The following GLIS3 variants were observed in gnomAD, a reference collection of about 807,000 sequenced individuals.
The protein encoded by GLIS3 is GLIS family zinc finger 3, also known as zinc finger protein GLIS3.
In GLIS3, 53 loss-of-function variants were observed where a neutral mutation model predicts 78.6. The observed-to-expected ratio is 0.67, with a 90% CI of 0.54 to 0.85. The LOEUF is 0.85. Among genes scored for constraint, GLIS3 ranks in the 40% least tolerant of loss-of-function variants. The pLI, the probability that GLIS3 is intolerant of heterozygous loss-of-function variation, is 0.00. For missense variants in GLIS3, 1,703 were observed against 1,231.1 expected, an observed-to-expected ratio of 1.38 and a Z score of -5.74; for synonymous variants, 684 against 509.9, an observed-to-expected ratio of 1.34 and a Z score of -4.60.
intron 2 of GLIS3, among the ~76,000 whole-genome samples, chr9:4,275,565 T>A (rs1237137037): frequency 6.7e-6 from 1 of 148,846 alleles, no homozygotes; most frequent in African/African-American, 2.5e-5. Flanking sequence ...TTTGAGACCA[T>A]CCTGGGCAAC....
intron 4 of GLIS3, among the ~76,000 whole-genome samples, chr9:3,981,981 C>A (rs187875153): frequency 2.2e-4 from 34 of 152,050 alleles, no homozygotes; most frequent in African/African-American, 8.0e-4. Context: ...CAGTTTTAAT[C>A]TTATTCCACC....
At chr9:3,998,935 G>A (rs749122492) in intron 4 of GLIS3, among the ~76,000 whole-genome samples, 1 of 151,728 alleles carries the variant, frequency 6.6e-6, no homozygotes, top group Non-Finnish European at 1.5e-5. Flanking sequence ...TATCTATCCT[G>A]TACTTCTTTT....
chr9:4,341,871 A>C (rs778334885), intron 2 of GLIS3, among the ~76,000 whole-genome samples: 4 of 152,294 alleles, frequency 2.6e-5, no homozygotes, highest in Non-Finnish European at 5.9e-5. Context: ...AGCATACTAC[A>C]TGCTTGTTGA....
At chr9:4,188,092 C>G (rs1316899715) in intron 2 of GLIS3, among the ~76,000 whole-genome samples, 1 of 151,624 alleles carries the variant, frequency 6.6e-6, no homozygotes, top group Non-Finnish European at 1.5e-5. Context: ...AAAGGGAATG[C>G]TTCCAGGTTT....
At chr9:4,261,840 C>T (rs990915492) in intron 2 of GLIS3, among the ~76,000 whole-genome samples, 1 of 152,158 alleles carries the variant, frequency 6.6e-6, no homozygotes, top group African/African-American at 2.4e-5. Context: ...AAAAAACATA[C>T]TCTTGCTATG....
At chr9:4,468,031 G>A in the GLIS3 span, among the ~76,000 whole-genome samples, 1 of 152,124 alleles carries the variant, frequency 6.6e-6, no homozygotes, top group Non-Finnish European at 1.5e-5. Context: ...GTGGAAGAAA[G>A]GTTATCAGTG....
At chr9:3,907,655 C>CACACACACACACACACA (rs758113264) in intron 6 of GLIS3, among the ~76,000 whole-genome samples, 5 of 146,244 alleles carry the variant, frequency 3.4e-5, no homozygotes, top group African/African-American at 1.1e-4. Flanking sequence ...CACACACACA[C>CACACACACACACACACA]TACTAAACAG....
upstream of GLIS3, among the ~76,000 whole-genome samples, chr9:4,349,796 T>A (rs564551660): frequency 6.6e-6 from 1 of 152,186 alleles, no homozygotes; most frequent in East Asian, 1.9e-4. Context: ...AGAAGAAACC[T>A]AAATTCATGG....
intron 9 of GLIS3, among the ~76,000 whole-genome samples, chr9:3,845,676 C>A (rs1455946255): frequency 6.6e-6 from 1 of 152,058 alleles, no homozygotes; most frequent in Non-Finnish European, 1.5e-5. Context: ...CCCAGCATAC[C>A]CGTACTTGAG....
At chr9:3,879,660 G>C (rs775035316) in intron 7 of GLIS3, 65 bp from the exon 8 acceptor site, 1 of 1,551,316 alleles carries the variant, frequency 6.4e-7, no homozygotes, top group Non-Finnish European at 8.8e-7. Context: ...TTTAAATACC[G>C]AAGCCTGACA....
the GLIS3 span, among the ~76,000 whole-genome samples, chr9:4,363,504 A>G: frequency 6.6e-6 from 1 of 152,190 alleles, no homozygotes; most frequent in African/African-American, 2.4e-5. Flanking sequence ...TTGCTTTTTT[A>G]AAAAAAGCAA....
intron 4 of GLIS3, among the ~76,000 whole-genome samples, chr9:4,031,731 A>C (rs1307120487): frequency 6.6e-6 from 1 of 152,240 alleles, no homozygotes; most frequent in Non-Finnish European, 1.5e-5. Flanking sequence ...CAAAGGAAAA[A>C]AATACTCCTA....
chr9:4,432,766 G>C, the GLIS3 span, among the ~76,000 whole-genome samples: 1 of 149,662 alleles, frequency 6.7e-6, no homozygotes, highest in African/African-American at 2.5e-5. Flanking sequence ...TCAGCCTCCC[G>C]AGTAGCTGGG....
chr9:4,359,611 G>A, the GLIS3 span, among the ~76,000 whole-genome samples: 1 of 152,122 alleles, frequency 6.6e-6, no homozygotes, highest in East Asian at 1.9e-4. Context: ...AAGAACTTGG[G>A]AGTATACAGT....
intron 4 of GLIS3, among the ~76,000 whole-genome samples, chr9:3,966,318 A>C (rs917430623): frequency 1.3e-5 from 2 of 152,216 alleles, no homozygotes; most frequent in African/African-American, 4.8e-5. Flanking sequence ...CAGCAGGAGC[A>C]AAAAAGTGTA....
chr9:4,270,444 G>C (rs1826401217), intron 2 of GLIS3, among the ~76,000 whole-genome samples: 1 of 152,152 alleles, frequency 6.6e-6, no homozygotes, highest in Non-Finnish European at 1.5e-5. Context: ...GTCTCCCTAG[G>C]ATGTAATTGA....
intron 2 of GLIS3, among the ~76,000 whole-genome samples, chr9:4,230,614 A>G (rs1822171299): frequency 1.3e-5 from 2 of 152,188 alleles, no homozygotes; most frequent in African/African-American, 4.8e-5. Flanking sequence ...CATCTGTGAT[A>G]CTGCCCAAGT....
intron 4 of GLIS3, among the ~76,000 whole-genome samples, chr9:4,112,127 G>T (rs542508516): frequency 1.5e-4 from 23 of 152,160 alleles, no homozygotes; most frequent in African/African-American, 5.3e-4. Flanking sequence ...AAGGAGGCAA[G>T]GAGGTGGCAA....
intron 2 of GLIS3, among the ~76,000 whole-genome samples, chr9:4,160,168 G>A (rs1289091857): frequency 2.6e-5 from 4 of 152,106 alleles, no homozygotes; most frequent in Non-Finnish European, 5.9e-5. Flanking sequence ...TTTTGCCTCC[G>A]CTATTTCTTC....
Sources: allele counts gnomAD v4.1 joint callset (sites outside exome capture counted in the v4.1 genomes callset), GRCh38; gene constraint gnomAD v4.1.1; transcripts MANE v1.5; gene names NCBI Gene and HGNC (gene_info 2026-07-23, HGNC 2026-07-21).